Variants in RTN4IP1 observed in about 807,000 individuals in gnomAD.
The protein encoded by RTN4IP1 is NAD(P)H oxidoreductase RTN4IP1, mitochondrial.
RTN4IP1 carries 32 observed loss-of-function variants against 46.6 expected under a neutral mutation model. That is an observed-to-expected ratio of 0.69 (90% CI 0.52 to 0.92). The LOEUF is 0.92. Ranked by LOEUF, RTN4IP1 falls within the 40% of genes least tolerant of loss-of-function variation. The pLI, the probability that RTN4IP1 is intolerant of heterozygous loss-of-function variation, is 0.00. For missense variants in RTN4IP1, 424 were observed against 485.8 expected (o/e 0.87, Z 1.20); for synonymous variants, 167 against 161.8 (o/e 1.03, Z -0.24).
intron 6 of RTN4IP1, 111 bp downstream of exon 6, chr6:106,592,053 A>G: frequency 8.8e-7 from 1 of 1,139,154 alleles, no homozygotes; most frequent in Middle Eastern, 3.0e-4. Flanking sequence ...ATGTTTTCAT[A>G]GATCCTTCTC....
At chr6:106,593,661 A>T (rs1761120026) in intron 5 of RTN4IP1, among the ~76,000 whole-genome samples, 1 of 152,226 alleles carries the variant, frequency 6.6e-6, no homozygotes, top group African/African-American at 2.4e-5. Flanking sequence ...TGTTAAATAC[A>T]AAATGTAAAT....
rs377677453 is a variant in RTN4IP1, at chr6:106,612,664, C to T, written c.620+6538G>A. Among the ~76,000 whole-genome samples the T allele has an allele frequency of 2.6e-5, 4 of 152,218 alleles. No homozygotes were observed. In the East Asian group the frequency reaches 7.7e-4, roughly 29 times the overall value. On this transcript the variant is annotated intron_variant, in intron 4 of 8. Transcript: ENST00000369063. ...AGCAACCTTTTACAATTACCTGCTC[C>T]ACCCTGACTCATTCCAATCACCTGC...
intron 8 of RTN4IP1, among the ~76,000 whole-genome samples, chr6:106,572,672 C>T (rs1775101854): frequency 6.6e-6 from 1 of 152,058 alleles, no homozygotes; most frequent in East Asian, 1.9e-4. Flanking sequence ...GAGTACACAT[C>T]TCAGCCACTC....
At chr6:106,615,546 C>T (rs1341796494) in intron 4 of RTN4IP1, among the ~76,000 whole-genome samples, 3 of 152,090 alleles carry the variant, frequency 2.0e-5, no homozygotes, top group African/African-American at 7.2e-5. Context: ...ATGATCTCAG[C>T]TCACTGTAAC....
In RTN4IP1 at chr6:106,625,960, CCTT is replaced by C. The variant is rs1415457499; in HGVS notation, c.274+2785_274+2787del. ...TGTGAGCCACTGTGCCCAGCCTTTT[CCTT>C]CTTCTTAAGAAAGGAGAAATAACAG... is the stretch of plus-strand genomic sequence containing the variant. On this transcript the variant is annotated intron_variant, in intron 1 of 8. Coordinates refer to ENST00000369063, the MANE Select transcript of RTN4IP1 (RefSeq NM_032730.5). 3.9e-5 allele frequency among the ~76,000 whole-genome samples: 6 copies of C among 152,114 alleles called. No individual in the cohort carries two copies. The East Asian group carries it at 1.2e-3, about 29-fold the overall frequency.
At chr6:106,607,439 T>G (rs1162188945) in intron 4 of RTN4IP1, among the ~76,000 whole-genome samples, 1 of 152,006 alleles carries the variant, frequency 6.6e-6, no homozygotes, top group African/African-American at 2.4e-5. Flanking sequence ...AGAGACAACC[T>G]GTAGAATGGG....
At chr6:106,605,089 G>C (rs188126641) in intron 4 of RTN4IP1, among the ~76,000 whole-genome samples, 1 of 152,294 alleles carries the variant, frequency 6.6e-6, no homozygotes, top group African/African-American at 2.4e-5. Context: ...GTAGCTGTAT[G>C]TGTCACCTAG....
chr6:106,594,301 A>G (rs2114644445), intron 5 of RTN4IP1, among the ~76,000 whole-genome samples: 1 of 152,298 alleles, frequency 6.6e-6, no homozygotes, highest in East Asian at 1.9e-4. Context: ...TGAGCTCAGG[A>G]GTCTGAGACC....
intron 8 of RTN4IP1, among the ~76,000 whole-genome samples, chr6:106,572,828 A>C (rs1024034912): frequency 6.6e-6 from 1 of 152,100 alleles, no homozygotes; most frequent in African/African-American, 2.4e-5. Flanking sequence ...ATATCTACCC[A>C]ACCAGAGCAT....
At chr6:106,592,123 C>T in intron 6 of RTN4IP1, 41 bp downstream of exon 6, 1 of 1,598,902 alleles carries the variant, frequency 6.3e-7, no homozygotes, top group Non-Finnish European at 8.5e-7. Context: ...ATCAACTGTC[C>T]TTGTTCCCAC....
chr6:106,592,613 G>C (rs1775689559), intron 5 of RTN4IP1, among the ~76,000 whole-genome samples: 1 of 152,130 alleles, frequency 6.6e-6, no homozygotes, highest in South Asian at 2.1e-4. Flanking sequence ...AACAGTAACA[G>C]AAAAGACAGG....
chr6:106,613,028 C>T (rs967855652), intron 4 of RTN4IP1, among the ~76,000 whole-genome samples: 8 of 152,054 alleles, frequency 5.3e-5, no homozygotes, highest in African/African-American at 1.7e-4. Flanking sequence ...TCTTTTGTGG[C>T]GCCGAAACTT....
At position 106,608,735 on chromosome 6, in the gene RTN4IP1, C is replaced by A. The variant is rs191499891; in HGVS notation, c.621-5813G>T. Among the ~76,000 whole-genome samples, 239 of 152,284 alleles carry A rather than the reference C, an allele frequency of 1.6e-3. 2 individuals carry two copies. The highest frequency in any genetic ancestry group is 2.1e-3 in the South Asian group (10 of 4,830). ...ACCTTCAGAGGGCAGAGGTAAAGTACCTTTTGCCCTGACAATTCAAACATA... is the reference window on the plus strand; with the variant it reads ...ACCTTCAGAGGGCAGAGGTAAAGTAACTTTTGCCCTGACAATTCAAACATA... On this transcript the variant is annotated intron_variant, in intron 4 of 8. Transcript: ENST00000369063.
intron 4 of RTN4IP1, among the ~76,000 whole-genome samples, chr6:106,616,470 TG>T (rs1776359691): frequency 6.6e-6 from 1 of 152,198 alleles, no homozygotes; most frequent in Non-Finnish European, 1.5e-5. Context: ...TTGTTAATTT[TG>T]TTTTTTTTTA....
chr6:106,612,830 G>T (rs1333720234), intron 4 of RTN4IP1, among the ~76,000 whole-genome samples: 1 of 152,052 alleles, frequency 6.6e-6, no homozygotes, highest in African/African-American at 2.4e-5. Context: ...AGTCTGTGTG[G>T]GCTAACCCTA....
rs1160825845 is a variant in RTN4IP1 at position 106,592,251 on chromosome 6, G to C, written c.719C>G (p.Ala240Gly). 1.2e-6 allele frequency: 2 copies of C among 1,613,856 alleles called. No homozygotes were observed. The highest frequency in any genetic ancestry group is 2.2e-5 in the East Asian group (1 of 44,874). The part of the protein sequence containing the change: ...AHVTAVCSQD[A>G]SELVRKLGAD... Reference sequence around the variant, plus strand: ...ACCAAGCTTCCTTACAAGTTCACTGGCATCTTGGGAGCAAACTGCTGTCAC... The same window carrying C: ...ACCAAGCTTCCTTACAAGTTCACTGCCATCTTGGGAGCAAACTGCTGTCAC... The change falls in exon 6 of 9, where the codon GCC (alanine) becomes GGC (glycine). Residue 240 changes from alanine (A) to glycine (G), a missense_variant. By Grantham distance (60) the Ala-to-Gly change is moderately conservative. Coordinates refer to ENST00000369063, the MANE Select transcript of RTN4IP1 (RefSeq NM_032730.5).
intron 1 of RTN4IP1, 151 bp from the exon 2 acceptor site, chr6:106,623,120 C>T (rs1776530231): frequency 2.7e-6 from 2 of 728,758 alleles, no homozygotes; most frequent in East Asian, 5.3e-5. Context: ...ATGTTCACTG[C>T]AACACTATTC....
chr6:106,630,337 C>T (rs1301510468), upstream of RTN4IP1, among the ~76,000 whole-genome samples: 2 of 152,126 alleles, frequency 1.3e-5, no homozygotes, highest in Admixed American at 1.3e-4. Context: ...CTCTCAACCC[C>T]CGTCTTAAAA....
At chr6:106,603,803 T>A (rs1775999462) in intron 4 of RTN4IP1, among the ~76,000 whole-genome samples, 1 of 152,172 alleles carries the variant, frequency 6.6e-6, no homozygotes, top group Admixed American at 6.6e-5. Context: ...GAGAACTGCC[T>A]ACTTGGACTG....
Sources: gnomAD v4.1 joint callset for allele counts (sites outside exome capture counted in the v4.1 genomes callset) on GRCh38, gnomAD v4.1.1 for gene constraint, MANE v1.5 for transcripts, NCBI Gene and HGNC (gene_info 2026-07-23, HGNC 2026-07-21) for gene names.